The following LMX1A variants were observed in gnomAD, a reference collection of about 807,000 sequenced individuals.
LMX1A encodes LIM homeobox transcription factor 1 alpha.
A neutral mutation model predicts 49.1 loss-of-function variants in LMX1A; 15 were observed. The observed-to-expected ratio is 0.31, with a 90% CI of 0.20 to 0.47. The LOEUF is 0.47. Ranked by LOEUF, LMX1A falls within the 20% of genes least tolerant of loss-of-function variation. The probability of loss-of-function intolerance (pLI) is 1.00; values close to 1 mark genes in which losing one functional copy is unlikely to be tolerated. For missense variants in LMX1A, 372 were observed against 475.8 expected (o/e 0.78, Z 2.03); for synonymous variants, 167 against 185.7 (o/e 0.90, Z 0.82).
At chr1:165,235,481 G>A (rs553027233) in intron 4 of LMX1A, among the ~76,000 whole-genome samples, 150 of 152,304 alleles carry the variant, frequency 9.8e-4, no homozygotes, top group South Asian at 8.5e-3. Flanking sequence ...TCTCTCGCAG[G>A]CTGGCCCGAA....
At chr1:165,320,276 G>T (rs1490115813) in intron 3 of LMX1A, among the ~76,000 whole-genome samples, 1 of 152,196 alleles carries the variant, frequency 6.6e-6, no homozygotes, top group Non-Finnish European at 1.5e-5. Context: ...TGAATACAGT[G>T]AGGATGGCTA....
At chr1:165,322,513 T>C (rs1201821533) in intron 3 of LMX1A, among the ~76,000 whole-genome samples, 1 of 152,222 alleles carries the variant, frequency 6.6e-6, no homozygotes, top group Non-Finnish European at 1.5e-5. Context: ...AACGTAGTAC[T>C]GATACATGCT....
At chr1:165,350,508 T>G (rs1656393766) in intron 3 of LMX1A, among the ~76,000 whole-genome samples, 1 of 151,734 alleles carries the variant, frequency 6.6e-6, no homozygotes, top group Non-Finnish European at 1.5e-5. Flanking sequence ...CCATAAAAGC[T>G]TACTGAATAA....
intron 3 of LMX1A, among the ~76,000 whole-genome samples, chr1:165,314,872 G>T (rs1032984596): frequency 1.3e-4 from 20 of 152,254 alleles, no homozygotes; most frequent in African/African-American, 4.1e-4. Context: ...GTGGCGGATG[G>T]CTTCCACTTG....
At chr1:165,305,312 A>G (rs534928636) in intron 3 of LMX1A, among the ~76,000 whole-genome samples, 2 of 152,240 alleles carry the variant, frequency 1.3e-5, no homozygotes, top group East Asian at 3.9e-4. Flanking sequence ...GGGCCCCTCC[A>G]CTGGAAATTT....
chr1:165,351,915 C>T (rs1656441830), intron 3 of LMX1A, among the ~76,000 whole-genome samples: 1 of 152,240 alleles, frequency 6.6e-6, no homozygotes. Context: ...CACGCTAACC[C>T]TCCTTTGATT....
intron 3 of LMX1A, among the ~76,000 whole-genome samples, chr1:165,277,213 C>CA (rs1274335684): frequency 3.3e-5 from 5 of 152,172 alleles, no homozygotes; most frequent in African/African-American, 4.8e-5. Context: ...GGTGGAACTG[C>CA]AAATGCAGGG....
chr1:165,299,583 G>A (rs1189569132), intron 3 of LMX1A, among the ~76,000 whole-genome samples: 3 of 152,158 alleles, frequency 2.0e-5, no homozygotes, highest in Non-Finnish European at 4.4e-5. Context: ...CATCCAATGC[G>A]ATCTACTGAA....
intron 3 of LMX1A, among the ~76,000 whole-genome samples, chr1:165,265,817 A>G (rs1653603594): frequency 6.6e-6 from 1 of 152,206 alleles, no homozygotes; most frequent in South Asian, 2.1e-4. Context: ...AAAACCCACA[A>G]CACAGCTTCA....
At position 165,206,236 on chromosome 1, in the gene LMX1A, T is replaced by A. The variant is rs115655029; in HGVS notation, c.818-202A>T. 2.0e-3 allele frequency among the ~76,000 whole-genome samples: 298 copies of A among 152,260 alleles called. 2 individuals carry two copies. Among genetic ancestry groups the A allele is most frequent in the African/African-American group, 7.1e-3 (295 of 41,552 alleles). On this transcript the variant is annotated intron_variant, in intron 7 of 8. Coordinates refer to ENST00000342310, the MANE Select transcript of LMX1A (RefSeq NM_177398.4). The stretch of plus-strand genomic sequence containing the variant: ...GCTGGGATGTTGAACTTTGAGAACA[T>A]CCTTGAAATATATTATTTCAACAAA...
intron 3 of LMX1A, among the ~76,000 whole-genome samples, chr1:165,281,918 A>C (rs2101706717): frequency 6.6e-6 from 1 of 152,356 alleles, no homozygotes; most frequent in African/African-American, 2.4e-5. Context: ...ATGAGTTTTC[A>C]CTGATAAATC....
intron 3 of LMX1A, among the ~76,000 whole-genome samples, chr1:165,312,550 TC>T (rs1655105437): frequency 2.0e-5 from 3 of 152,332 alleles, no homozygotes; most frequent in Middle Eastern, 6.8e-3. Context: ...AGGTTCCACT[TC>T]CTGTCTCTTG....
chr1:165,294,487 C>T (rs1422776325), intron 3 of LMX1A, among the ~76,000 whole-genome samples: 2 of 152,146 alleles, frequency 1.3e-5, no homozygotes, highest in Admixed American at 6.5e-5. Flanking sequence ...CACCACAGCC[C>T]CTCTGGGATG....
intron 4 of LMX1A, among the ~76,000 whole-genome samples, chr1:165,236,788 A>C (rs1167212067): frequency 3.9e-5 from 6 of 151,926 alleles, no homozygotes; most frequent in African/African-American, 1.4e-4. Flanking sequence ...AAAAAAAAAA[A>C]AAAAATCCCA....
intron 3 of LMX1A, among the ~76,000 whole-genome samples, chr1:165,270,436 C>G (rs560786832): frequency 3.3e-5 from 5 of 152,310 alleles, no homozygotes; most frequent in Admixed American, 2.0e-4. Context: ...GAAATGATAA[C>G]TTAAATGGGA....
At chr1:165,234,700 C>T (rs1652366767) in intron 4 of LMX1A, among the ~76,000 whole-genome samples, 1 of 152,100 alleles carries the variant, frequency 6.6e-6, no homozygotes, top group African/African-American at 2.4e-5. Flanking sequence ...GAGGTCTTCA[C>T]CGCCAAGGCC....
chr1:165,290,772 T>C (rs938579505), intron 3 of LMX1A, among the ~76,000 whole-genome samples: 2 of 151,930 alleles, frequency 1.3e-5, no homozygotes, highest in African/African-American at 2.4e-5. Context: ...AAGTGTAGTC[T>C]CCGGACCACC....
intron 4 of LMX1A, 127 bp from the exon 5 acceptor site, chr1:165,213,940 T>C (rs957156702): frequency 2.5e-6 from 2 of 786,772 alleles, no homozygotes; most frequent in Non-Finnish European, 4.1e-6. Context: ...CAATAATCTA[T>C]GTGGTATTGC....
chr1:165,321,057 T>C (rs1038350805), intron 3 of LMX1A, among the ~76,000 whole-genome samples: 2 of 152,034 alleles, frequency 1.3e-5, no homozygotes, highest in African/African-American at 4.8e-5. Context: ...ATACTACTCA[T>C]CCATAAAAAA....
Sources: gnomAD v4.1 joint callset for allele counts (sites outside exome capture counted in the v4.1 genomes callset) on GRCh38, gnomAD v4.1.1 for gene constraint, MANE v1.5 for transcripts, NCBI Gene and HGNC (gene_info 2026-07-23, HGNC 2026-07-21) for gene names.